Variants in MGMT observed in about 807,000 individuals in gnomAD.
MGMT encodes O-6-methylguanine-DNA methyltransferase, also known as methylated-DNA--protein-cysteine methyltransferase.
Under a neutral mutation model 15.9 loss-of-function variants are expected in MGMT, and 14 were observed. The ratio of observed to expected loss-of-function variants is 0.88; its 90% CI spans 0.58 to 1.37. The LOEUF is 1.37. MGMT is among the 40% of genes most tolerant of loss of function. The pLI, the probability that MGMT is intolerant of heterozygous loss-of-function variation, is 0.00. For missense variants in MGMT, 282 were observed against 268.1 expected (o/e 1.05, Z -0.36); for synonymous variants, 130 against 118.2 (o/e 1.10, Z -0.65).
intron 2 of MGMT, 79 bp from the exon 3 acceptor site, chr10:129,707,816 G>T: frequency 6.3e-7 from 1 of 1,581,736 alleles, no homozygotes; most frequent in Admixed American, 1.7e-5. Context: ...TGCCCGTTTA[G>T]ATGCAGTAGG....
chr10:129,765,406 G>C (rs934510651), intron 4 of MGMT, among the ~76,000 whole-genome samples: 1 of 152,222 alleles, frequency 6.6e-6, no homozygotes, highest in Admixed American at 6.5e-5. Flanking sequence ...TGGCCATGCA[G>C]GCTGTGTGGC....
intron 3 of MGMT, among the ~76,000 whole-genome samples, chr10:129,715,202 T>A (rs949435843): frequency 6.6e-6 from 1 of 152,238 alleles, no homozygotes; most frequent in Non-Finnish European, 1.5e-5. Context: ...AATATTCACA[T>A]TAAAATATAA....
At chr10:129,601,385 C>T (rs1589888079) in intron 2 of MGMT, among the ~76,000 whole-genome samples, 1 of 152,166 alleles carries the variant, frequency 6.6e-6, no homozygotes, top group African/African-American at 2.4e-5. Context: ...ATCAGAGTTT[C>T]CTGATGGTTT....
At chr10:129,577,377 T>C (rs534403500) in intron 2 of MGMT, among the ~76,000 whole-genome samples, 3 of 152,186 alleles carry the variant, frequency 2.0e-5, no homozygotes, top group African/African-American at 7.2e-5. Context: ...TCAGAAATAA[T>C]GCCACATATC....
intron 2 of MGMT, among the ~76,000 whole-genome samples, chr10:129,647,184 G>T (rs1036453505): frequency 6.6e-6 from 1 of 152,154 alleles, no homozygotes; most frequent in African/African-American, 2.4e-5. Context: ...GCTCTGCGGA[G>T]GCGCCTGCGG....
intron 3 of MGMT, among the ~76,000 whole-genome samples, chr10:129,735,771 C>T (rs1848553319): frequency 1.2e-5 from 1 of 82,256 alleles, no homozygotes; most frequent in East Asian, 3.4e-4. Context: ...TCTTTGTTCT[C>T]GTTGGTTTCA....
intron 1 of MGMT, among the ~76,000 whole-genome samples, chr10:129,515,698 C>A (rs1845730959): frequency 6.6e-6 from 1 of 152,152 alleles, no homozygotes; most frequent in African/African-American, 2.4e-5. Context: ...CTTGAGGCAT[C>A]CTGTAAGTGG....
At chr10:129,496,271 C>T (rs1034862114) in intron 1 of MGMT, among the ~76,000 whole-genome samples, 5 of 152,084 alleles carry the variant, frequency 3.3e-5, no homozygotes, top group African/African-American at 4.8e-5. Flanking sequence ...CGTTCCATCC[C>T]GCTCCAAAAG....
chr10:129,653,528 G>A (rs185469309), intron 2 of MGMT, among the ~76,000 whole-genome samples: 96 of 152,334 alleles, frequency 6.3e-4, no homozygotes, highest in African/African-American at 2.1e-3. Context: ...GAGATGGCCC[G>A]TGTGGGAGGG....
chr10:129,565,954 C>T (rs1305540943), intron 2 of MGMT, among the ~76,000 whole-genome samples: 1 of 152,112 alleles, frequency 6.6e-6, no homozygotes, highest in Non-Finnish European at 1.5e-5. Flanking sequence ...ACACCGTGGT[C>T]GGGGCCTGTG....
At chr10:129,491,912 A>G (rs895662123) in intron 1 of MGMT, among the ~76,000 whole-genome samples, 2 of 151,918 alleles carry the variant, frequency 1.3e-5, no homozygotes, top group African/African-American at 4.8e-5. Flanking sequence ...TGCTAGCACC[A>G]GTATTGTGGA....
intron 1 of MGMT, among the ~76,000 whole-genome samples, chr10:129,509,187 T>C (rs753873557): frequency 9.2e-5 from 14 of 152,228 alleles, no homozygotes; most frequent in Non-Finnish European, 2.9e-5. Flanking sequence ...AGATGTTTAT[T>C]ATTGCTACTC....
At chr10:129,520,117 C>T (rs1338576978) in intron 1 of MGMT, among the ~76,000 whole-genome samples, 1 of 152,192 alleles carries the variant, frequency 6.6e-6, no homozygotes, top group Non-Finnish European at 1.5e-5. Flanking sequence ...TGCGTGAGCT[C>T]ATGACGTGTT....
chr10:129,753,528 G>A (rs1051044642), intron 3 of MGMT, among the ~76,000 whole-genome samples: 8 of 151,852 alleles, frequency 5.3e-5, no homozygotes, highest in African/African-American at 1.7e-4. Flanking sequence ...CTGTTGTTTG[G>A]ATGATTTTTT....
At chr10:129,686,827 A>C (rs926314343) in intron 2 of MGMT, among the ~76,000 whole-genome samples, 1 of 152,224 alleles carries the variant, frequency 6.6e-6, no homozygotes, top group African/African-American at 2.4e-5. Flanking sequence ...CCGGGAGAGA[A>C]GTGAGAACAG....
At chr10:129,690,085 C>A (rs895728705) in intron 2 of MGMT, among the ~76,000 whole-genome samples, 6 of 152,170 alleles carry the variant, frequency 3.9e-5, no homozygotes, top group Non-Finnish European at 8.8e-5. Context: ...TCCTTTGGAT[C>A]TTATTCAGAC....
At chr10:129,743,301 T>C (rs1848659207) in intron 3 of MGMT, among the ~76,000 whole-genome samples, 1 of 152,172 alleles carries the variant, frequency 6.6e-6, no homozygotes, top group Admixed American at 6.5e-5. Context: ...GCAGCATATC[T>C]CATAGCTTGT....
At chr10:129,600,665 G>A (rs551756516) in intron 2 of MGMT, among the ~76,000 whole-genome samples, 3 of 152,242 alleles carry the variant, frequency 2.0e-5, no homozygotes, top group Non-Finnish European at 2.9e-5. Context: ...GTAAACATCC[G>A]TATTGCCTCT....
intron 2 of MGMT, among the ~76,000 whole-genome samples, chr10:129,571,644 C>G (rs534552442): frequency 1.2e-4 from 18 of 152,256 alleles, no homozygotes; most frequent in African/African-American, 4.3e-4. Context: ...ATCAATTTGT[C>G]TGTCAACCAT....
Sources: gnomAD v4.1 joint callset for allele counts (sites outside exome capture counted in the v4.1 genomes callset) on GRCh38, gnomAD v4.1.1 for gene constraint, MANE v1.5 for transcripts, NCBI Gene and HGNC (gene_info 2026-07-23, HGNC 2026-07-21) for gene names.